DGKI: variants seen among roughly 807,000 people sequenced by gnomAD.
The protein encoded by DGKI is diacylglycerol kinase iota, also known as DAG kinase iota.
In DGKI, 55 loss-of-function variants were observed where a neutral mutation model predicts 147.5. That is an observed-to-expected ratio of 0.37 (90% confidence interval 0.30 to 0.47). The LOEUF (loss-of-function observed/expected upper bound fraction) is 0.47, where lower values mean the gene tolerates loss of function less well. Ranked by LOEUF, DGKI falls within the 20% of genes least tolerant of loss-of-function variation. The pLI is 1.00. For synonymous variants in DGKI, 469 were observed against 477.1 expected (o/e 0.98, Z 0.22); for missense variants, 1,007 against 1,323.8 (o/e 0.76, Z 3.71).
intron 9 of DGKI, 46 bp downstream of exon 9, chr7:137,609,489 G>A (rs1820294083): frequency 6.8e-7 from 1 of 1,465,110 alleles, no homozygotes; most frequent in South Asian, 1.1e-5. Context: ...AGTAGACTAT[G>A]GAAAGAAAGT....
At chr7:137,741,912 C>G (rs1795183074) in intron 1 of DGKI, among the ~76,000 whole-genome samples, 1 of 151,860 alleles carries the variant, frequency 6.6e-6, no homozygotes, top group Non-Finnish European at 1.5e-5. Flanking sequence ...GCTTTTACAT[C>G]TATAAATACA....
chr7:137,804,501 C>T (rs921893091), intron 1 of DGKI, among the ~76,000 whole-genome samples: 15 of 152,168 alleles, frequency 9.9e-5, no homozygotes, highest in African/African-American at 2.7e-4. Flanking sequence ...ATAAATACAA[C>T]TAGACCAGCT....
chr7:137,615,110 G>A (rs937415278), intron 8 of DGKI, among the ~76,000 whole-genome samples: 7 of 152,014 alleles, frequency 4.6e-5, no homozygotes, highest in Admixed American at 1.3e-4. Flanking sequence ...CTCCACCTTG[G>A]ATAGATAGGC....
chr7:137,810,745 G>A (rs989508994), intron 1 of DGKI, among the ~76,000 whole-genome samples: 1 of 149,670 alleles, frequency 6.7e-6, no homozygotes, highest in African/African-American at 2.4e-5. Context: ...CCCTGGAGAA[G>A]TTTTTTTTTT....
chr7:137,438,596 G>T (rs1031619781), intron 28 of DGKI, among the ~76,000 whole-genome samples: 4 of 152,054 alleles, frequency 2.6e-5, no homozygotes, highest in African/African-American at 4.8e-5. Context: ...GCATGGATAC[G>T]AGGAAGAGTT....
At chr7:137,564,218 A>G (rs559156803) in intron 19 of DGKI, among the ~76,000 whole-genome samples, 1 of 152,338 alleles carries the variant, frequency 6.6e-6, no homozygotes, top group South Asian at 2.1e-4. Flanking sequence ...ACAATACACA[A>G]AAATTAATTT....
At position 137,413,461 on chromosome 7, in the gene DGKI, T is replaced by C. The variant is rs574703766; in HGVS notation, c.2762-1254A>G. ...CCCTGTCTCCTTCTAGAGTTCCCAGTGTCTATTGTTCCCATCTTTGTGTCC... is the reference window on the plus strand; with the variant it reads ...CCCTGTCTCCTTCTAGAGTTCCCAGCGTCTATTGTTCCCATCTTTGTGTCC... On this transcript the variant is annotated intron_variant, in intron 28 of 32. Transcript: ENST00000614521. Among the ~76,000 whole-genome samples, 18 of 152,148 alleles carry C rather than the reference T, an allele frequency of 1.2e-4. No individual in the cohort carries two copies. The South Asian group carries it at 2.5e-3, about 21-fold the overall frequency.
At chr7:137,465,852 C>T (rs576143727) in intron 26 of DGKI, 56 bp downstream of exon 26, 1 of 1,571,388 alleles carries the variant, frequency 6.4e-7, no homozygotes, top group East Asian at 2.3e-5. Flanking sequence ...CAAAGGCGAA[C>T]CAGACATGGA....
At chr7:137,827,584 A>G (rs116373087) in intron 1 of DGKI, among the ~76,000 whole-genome samples, 3,746 of 152,274 alleles carry the variant, frequency 0.025, 170 homozygotes, top group African/African-American at 0.085. Flanking sequence ...TCTCCCAAAC[A>G]GAACTAACCT....
rs1040810434 is a variant in DGKI, at chr7:137,429,600, A to T, written c.2761+14477T>A. Among the ~76,000 whole-genome samples the T allele has an allele frequency of 6.6e-4, 101 of 152,170 alleles. 3 individuals carry two copies. The South Asian group carries it at 0.02, about 30-fold the overall frequency. ...CTTCTGCACAGCAAAAAAAACTACC[A>T]TCAGAGTGAACAGGTAACCTACAAA... On this transcript the variant is annotated intron_variant, in intron 28 of 32. Coordinates refer to ENST00000614521, the MANE Select transcript of DGKI (RefSeq NM_001321708.2).
chr7:137,539,510 C>G (rs2128960399), intron 20 of DGKI, among the ~76,000 whole-genome samples: 1 of 152,136 alleles, frequency 6.6e-6, no homozygotes, highest in Middle Eastern at 3.4e-3. Context: ...AGAACTCCAC[C>G]CAGATCCCAT....
At chr7:137,668,654 G>T (rs1404122156) in intron 3 of DGKI, among the ~76,000 whole-genome samples, 3 of 152,192 alleles carry the variant, frequency 2.0e-5, no homozygotes. Context: ...TGTAGTGTTG[G>T]AGACAGATAA....
intron 4 of DGKI, among the ~76,000 whole-genome samples, chr7:137,655,293 G>T (rs1822178466): frequency 6.6e-6 from 1 of 151,838 alleles, no homozygotes; most frequent in South Asian, 2.1e-4. Context: ...CCGCCTCCTG[G>T]ATTCAAGCAA....
At chr7:137,533,503 T>TA (rs1385509886) in intron 20 of DGKI, among the ~76,000 whole-genome samples, 2 of 152,138 alleles carry the variant, frequency 1.3e-5, no homozygotes, top group Non-Finnish European at 2.9e-5. Flanking sequence ...CTTACCACAT[T>TA]AAAGTAAATC....
At chr7:137,623,676 A>C (rs1820831278) in intron 6 of DGKI, 122 bp from the exon 7 acceptor site, 1 of 778,180 alleles carries the variant, frequency 1.3e-6, no homozygotes, top group Non-Finnish European at 2.2e-6. Context: ...CCACCACTGG[A>C]GGTAAGTAGA....
chr7:137,722,076 T>A (rs1794573037), intron 1 of DGKI: 17 of 1,597,612 alleles, frequency 1.1e-5, no homozygotes, highest in South Asian at 5.5e-5. Context: ...TGAAAAAGGG[T>A]AACCTCAAGG....
intron 27 of DGKI, among the ~76,000 whole-genome samples, chr7:137,445,296 G>A (rs1813671037): frequency 6.6e-6 from 1 of 152,184 alleles, no homozygotes; most frequent in African/African-American, 2.4e-5. Context: ...CTCAATGAGT[G>A]GCAAAGTATC....
At chr7:137,440,676 TAC>T (rs1209665924) in intron 28 of DGKI, among the ~76,000 whole-genome samples, 1 of 152,220 alleles carries the variant, frequency 6.6e-6, no homozygotes, top group South Asian at 2.1e-4. Flanking sequence ...ATACATTGAC[TAC>T]AGAGTGTTAT....
At chr7:137,493,376 C>G (rs907180829) in intron 21 of DGKI, among the ~76,000 whole-genome samples, 1 of 152,198 alleles carries the variant, frequency 6.6e-6, no homozygotes, top group Non-Finnish European at 1.5e-5. Flanking sequence ...TGTCATCACA[C>G]TGCTGTTGCT....
Sources: allele counts gnomAD v4.1 joint callset (sites outside exome capture counted in the v4.1 genomes callset), GRCh38; gene constraint gnomAD v4.1.1; transcripts MANE v1.5; gene names NCBI Gene and HGNC (gene_info 2026-07-23, HGNC 2026-07-21).